Variants in FREM2 observed in about 807,000 individuals in gnomAD.
FREM2 encodes FRAS1-related extracellular matrix protein 2.
A neutral mutation model predicts 219.9 loss-of-function variants in FREM2; 119 were observed. The ratio of observed to expected loss-of-function variants is 0.54; its 90% CI spans 0.47 to 0.63. FREM2 has a LOEUF of 0.63. Ranked by LOEUF, FREM2 falls within the 30% of genes least tolerant of loss-of-function variation. The pLI is 0.00. For missense variants in FREM2, 4,030 were observed against 3,993.6 expected, an observed-to-expected ratio of 1.01 and a Z score of -0.25; for synonymous variants, 1,562 against 1,522.8, an observed-to-expected ratio of 1.03 and a Z score of -0.60.
chr13:38,810,335 G>T (rs1040404790), intron 6 of FREM2, among the ~76,000 whole-genome samples: 5 of 151,890 alleles, frequency 3.3e-5, no homozygotes, highest in African/African-American at 1.2e-4. Context: ...GATTGTTCTA[G>T]CTGAGACATC....
intron 6 of FREM2, among the ~76,000 whole-genome samples, chr13:38,846,217 TAA>T (rs138940069): frequency 5.4e-4 from 74 of 137,846 alleles, no homozygotes; most frequent in Admixed American, 1.0e-3. Flanking sequence ...TTGGCCAAAG[TAA>T]AAAAAAAAAA....
chr13:38,769,747 C>T lies in FREM2; in HGVS notation c.5580C>T (p.Pro1860=), dbSNP rs780872307. ...CCTTTCAGGTGGTACTCTCAGAGCC[C>T]GTGCTGGCTGCCTTGGAATTCCCCA... ...SETFQVVLSE[P]VLAALEFPTV... Residue 1860 remains proline, a synonymous_variant, in exon 4 of 24, where the codon CCC becomes CCT. Transcript: ENST00000280481. 20 of 1,614,106 alleles carry T rather than the reference C, an allele frequency of 1.2e-5. No homozygotes were observed. The East Asian group carries it at 2.5e-4, about 20-fold the overall frequency.
At chr13:38,717,223 T>C (rs1050247651) in intron 2 of FREM2, among the ~76,000 whole-genome samples, 19 of 152,104 alleles carry the variant, frequency 1.2e-4, no homozygotes, top group African/African-American at 4.6e-4. Flanking sequence ...TCTCCTTCCA[T>C]GTCCTGCCCC....
chr13:38,762,627 C>T lies in FREM2; in HGVS notation c.5264-1677C>T, dbSNP rs995414570. Among the ~76,000 whole-genome samples the T allele has an allele frequency of 7.2e-5, 11 of 151,808 alleles. No homozygotes were observed. The East Asian group carries it at 9.7e-4, about 13-fold the overall frequency. ...GCTAGTTTTGCATTTTTAGTAGAGACGGGGTTTCTCTATGTTGGTTAGGCT... is the reference window on the plus strand; with the variant it reads ...GCTAGTTTTGCATTTTTAGTAGAGATGGGGTTTCTCTATGTTGGTTAGGCT... On this transcript the variant is annotated intron_variant, in intron 2 of 23. Coordinates refer to ENST00000280481, the MANE Select transcript of FREM2 (RefSeq NM_207361.6).
intron 6 of FREM2, among the ~76,000 whole-genome samples, chr13:38,817,851 G>A (rs1385108425): frequency 6.6e-6 from 1 of 151,808 alleles, no homozygotes; most frequent in Non-Finnish European, 1.5e-5. Flanking sequence ...GGACATAATA[G>A]CAAAACAACA....
chr13:38,873,418 AACCTTTCT>A (rs1878233444), intron 17 of FREM2, among the ~76,000 whole-genome samples: 1 of 152,210 alleles, frequency 6.6e-6, no homozygotes, highest in African/African-American at 2.4e-5. Flanking sequence ...CATATTGCTT[AACCTTTCT>A]GGGACTTAAC....
chr13:38,745,702 T>C (rs1370908336), intron 2 of FREM2, among the ~76,000 whole-genome samples: 1 of 152,208 alleles, frequency 6.6e-6, no homozygotes, highest in Non-Finnish European at 1.5e-5. Flanking sequence ...GTCTCCAGCA[T>C]CTCAAGCTCA....
At chr13:38,861,695 C>T (rs1800570630) in intron 15 of FREM2, 133 bp downstream of exon 15, 1 of 926,310 alleles carries the variant, frequency 1.1e-6, no homozygotes, top group Non-Finnish European at 1.8e-6. Context: ...AGTCCTTCCA[C>T]TTCTTTCAAC....
intron 6 of FREM2, among the ~76,000 whole-genome samples, chr13:38,797,149 A>G (rs1230231199): frequency 6.6e-6 from 1 of 151,986 alleles, no homozygotes; most frequent in Non-Finnish European, 1.5e-5. Flanking sequence ...GCATGGTATT[A>G]AAGGTGTAAG....
In FREM2 at chr13:38,691,683, A is replaced by G. The variant is rs762284062; in HGVS notation, c.4339A>G (p.Ser1447Gly). The change falls in exon 1 of 24, where the codon AGT becomes GGT. Residue 1447 changes from serine (S) to glycine (G), a missense_variant. By Grantham distance (56) the Ser-to-Gly change is moderately conservative. This residue lies in a region of FREM2 where 3,102 missense variants were observed against 2,950.7 expected (regional missense o/e 1.05). Coordinates refer to ENST00000280481, the MANE Select transcript of FREM2 (RefSeq NM_207361.6). The stretch of plus-strand genomic sequence containing the variant: ...TCTTACAACAGACCTACTAAGCACT[A>G]GTGACTTGAACAGTCCTGATGAAAA... ...VTLTTDLLST[S>G]DLNSPDENLV... The G allele has an allele frequency of 7.4e-6, 12 of 1,614,042 alleles. No individual in the cohort carries two copies. Among genetic ancestry groups the G allele is most frequent in the African/African-American group, 5.3e-5 (4 of 74,920 alleles).
chr13:38,861,393 C>T (rs1877753749), intron 14 of FREM2, 38 bp from the exon 15 acceptor site: 1 of 1,606,114 alleles, frequency 6.2e-7, no homozygotes, highest in East Asian at 2.2e-5. Flanking sequence ...TATTGATTAC[C>T]TTCTTTTCGC....
At chr13:38,701,239 T>C (rs979391004) in intron 2 of FREM2, among the ~76,000 whole-genome samples, 2 of 152,142 alleles carry the variant, frequency 1.3e-5, no homozygotes, top group Non-Finnish European at 2.9e-5. Flanking sequence ...TCTGGGCCAG[T>C]CAACATACAT....
In FREM2 at chr13:38,856,185, G is replaced by C; in HGVS notation, c.6985G>C (p.Gly2329Arg). 1 of 1,611,768 alleles carries C rather than the reference G, an allele frequency of 6.2e-7. No individual in the cohort carries two copies. The highest frequency in any genetic ancestry group is 8.5e-7 in the Non-Finnish European group (1 of 1,178,010). ...HVVEIEVTFD[G>R]VREMREAFTV... The stretch of plus-strand genomic sequence containing the variant: ...GGTTGAAATCGAAGTTACCTTTGAC[G>C]GGGTGAGAGAGATGAGAGAGGCCTT... The change falls in exon 12 of 24, where the codon GGG becomes CGG. Residue 2329 changes from glycine to arginine, a missense_variant. Physicochemically the swap from Gly to Arg is moderately radical, Grantham distance 125. Coordinates refer to ENST00000280481, the MANE Select transcript of FREM2 (RefSeq NM_207361.6).
At chr13:38,715,814 C>T (rs1002116772) in intron 2 of FREM2, among the ~76,000 whole-genome samples, 3 of 151,888 alleles carry the variant, frequency 2.0e-5, no homozygotes, top group African/African-American at 4.8e-5. Context: ...TTTTTCTAGT[C>T]TCCAGTAGTC....
chr13:38,797,843 C>G (rs1874854544), intron 6 of FREM2, among the ~76,000 whole-genome samples: 1 of 152,098 alleles, frequency 6.6e-6, no homozygotes, highest in South Asian at 2.1e-4. Flanking sequence ...TTTCATTCTT[C>G]TGCATATAGA....
chr13:38,710,038 A>G (rs1238056555), intron 2 of FREM2, among the ~76,000 whole-genome samples: 2 of 137,380 alleles, frequency 1.5e-5, no homozygotes, highest in East Asian at 4.4e-4. Flanking sequence ...CACACACACA[A>G]ATTAGCCGGG....
chr13:38,851,677 C>T lies in FREM2; in HGVS notation c.6743-9C>T, dbSNP rs749834830. Reference sequence around the variant, plus strand: ...CAATTTCATTTGTCTTTGTTTCCCACAATTTTAGAGACTGTTATTAAATTT... The same window carrying T: ...CAATTTCATTTGTCTTTGTTTCCCATAATTTTAGAGACTGTTATTAAATTT... On this transcript the variant is annotated splice_polypyrimidine_tract_variant and intron_variant, in intron 10 of 23. Coordinates refer to ENST00000280481, the MANE Select transcript of FREM2 (RefSeq NM_207361.6). 273 of 1,590,502 alleles carry T rather than the reference C, an allele frequency of 1.7e-4. No homozygotes were observed. The highest frequency in any genetic ancestry group is 2.3e-4 in the Non-Finnish European group (262 of 1,159,334).
intron 2 of FREM2, among the ~76,000 whole-genome samples, chr13:38,709,263 A>G (rs1335968057): frequency 6.6e-6 from 1 of 152,062 alleles, no homozygotes; most frequent in Non-Finnish European, 1.5e-5. Context: ...TTTCTTCCTG[A>G]CACCTTCTAC....
At position 38,691,888 on chromosome 13, in the gene FREM2, G is replaced by T. The variant is rs748397695; in HGVS notation, c.4544G>T (p.Arg1515Leu). 2 of 1,614,128 alleles carry T rather than the reference G, an allele frequency of 1.2e-6. No homozygotes were observed. The highest frequency in any genetic ancestry group is 1.1e-5 in the South Asian group (1 of 91,082). The part of the protein sequence containing the change: ...DSFEFQVTDG[R>L]NPVFRTFRIS... ...TTTGAGTTTCAAGTCACCGATGGAC[G>T]TAACCCTGTCTTTCGGACATTCCGT... Residue 1515 changes from arginine to leucine, a missense_variant, in exon 1 of 24, where the codon CGT becomes CTT. Physicochemically the swap from Arg to Leu is moderately radical, Grantham distance 102. This residue lies in a region of FREM2 where 3,102 missense variants were observed against 2,950.7 expected (regional missense o/e 1.05). Transcript: ENST00000280481.
Sources: allele counts gnomAD v4.1 joint callset (sites outside exome capture counted in the v4.1 genomes callset), GRCh38; gene constraint gnomAD v4.1.1; regional missense constraint gnomAD v4.1.1; transcripts MANE v1.5; gene names NCBI Gene and HGNC (gene_info 2026-07-23, HGNC 2026-07-21).